Variants in LARGE1 observed in about 807,000 individuals in gnomAD.
LARGE1 encodes the protein LARGE xylosyl- and glucuronyltransferase 1, also known as xylosyl- and glucuronyltransferase LARGE1.
LARGE1 carries 43 observed loss-of-function variants against 87.6 expected under a neutral mutation model. That is an observed-to-expected ratio of 0.49 (90% CI 0.38 to 0.63). The LOEUF (loss-of-function observed/expected upper bound fraction) is 0.63. Ranked by LOEUF, LARGE1 falls within the 30% of genes least tolerant of loss-of-function variation. The probability of loss-of-function intolerance (pLI) is 0.00; values close to 1 mark genes in which losing one functional copy is unlikely to be tolerated. For synonymous variants in LARGE1, 434 were observed against 394.6 expected (o/e 1.10, Z -1.18); for missense variants, 802 against 1,000.2 (o/e 0.80, Z 2.67).
chr22:33,316,082 T>G lies in LARGE1; in HGVS notation c.1451+3A>C. On this transcript the variant is annotated splice_donor_region_variant and intron_variant, in intron 11 of 14. Coordinates refer to ENST00000397394, the MANE Select transcript of LARGE1 (RefSeq NM_133642.5). ...CTGGGGTGGGTGAGGCCGTCTGCCA[T>G]ACCTGTCCATGGACAGCTGAGCGAC... 1 of 1,613,608 alleles carries G rather than the reference T, an allele frequency of 6.2e-7. No individual in the cohort carries two copies. Among genetic ancestry groups the G allele is most frequent in the Non-Finnish European group, 8.5e-7 (1 of 1,179,694 alleles).
chr22:33,415,695 C>G (rs2066462843), intron 7 of LARGE1, among the ~76,000 whole-genome samples: 1 of 152,140 alleles, frequency 6.6e-6, no homozygotes, highest in Non-Finnish European at 1.5e-5. Context: ...ACTGCGATGA[C>G]TTTAGTGCCC....
At chr22:33,128,670 G>A in the LARGE1 span, among the ~76,000 whole-genome samples, 97 of 115,370 alleles carry the variant, frequency 8.4e-4, no homozygotes, top group East Asian at 3.5e-3. Context: ...GTGAGACTTC[G>A]TCTCAAAAAC....
At chr22:33,812,295 G>A (rs544932637) in intron 1 of LARGE1, among the ~76,000 whole-genome samples, 1 of 152,176 alleles carries the variant, frequency 6.6e-6, no homozygotes, top group Non-Finnish European at 1.5e-5. Context: ...GGCCTCCCCT[G>A]CCTTCTCACG....
intron 7 of LARGE1, among the ~76,000 whole-genome samples, chr22:33,385,164 C>T (rs1339304940): frequency 1.3e-5 from 2 of 148,368 alleles, no homozygotes; most frequent in African/African-American, 2.4e-5. Context: ...TTACTTTCTG[C>T]GGAAGGGACC....
rs776485973 is a variant in LARGE1 at position 33,900,598 on chromosome 22, A to G, written c.-83+19397T>C. On this transcript the variant is annotated intron_variant, in intron 1 of 14. Coordinates refer to ENST00000397394, the MANE Select transcript of LARGE1 (RefSeq NM_133642.5). ...AAAAAATGAAGCTCAGACAGTATTA[A>G]GGGTTGAAATAATCCCCCAAAAGAC... is the stretch of plus-strand genomic sequence containing the variant. 2.6e-4 allele frequency among the ~76,000 whole-genome samples: 39 copies of G among 152,240 alleles called. 1 individual carries two copies. The highest frequency in any genetic ancestry group is 2.2e-4 in the Non-Finnish European group (15 of 68,048).
chr22:33,188,815 G>A (rs1054172646), intron 11 of LARGE1, among the ~76,000 whole-genome samples: 1 of 152,194 alleles, frequency 6.6e-6, no homozygotes. Flanking sequence ...CATGTGAGGG[G>A]ATCTGCCTGC....
At chr22:33,509,198 C>G (rs1222502603) in intron 6 of LARGE1, among the ~76,000 whole-genome samples, 1 of 152,122 alleles carries the variant, frequency 6.6e-6, no homozygotes, top group Non-Finnish European at 1.5e-5. Context: ...CTGGGGTGCA[C>G]CCCAAGACTT....
At chr22:33,165,397 A>T (rs16991918) in exon 12 of LARGE1, 13,355 of 152,214 alleles carry the variant, frequency 0.088, 723 homozygotes, top group Middle Eastern at 0.19. Context: ...GGTGTCACCA[A>T]CAACAACCTT....
intron 2 of LARGE1, among the ~76,000 whole-genome samples, chr22:33,681,075 A>AT (rs2081754685): frequency 6.6e-6 from 1 of 152,202 alleles, no homozygotes; most frequent in Non-Finnish European, 1.5e-5. Context: ...ACTCAATTTA[A>AT]TGTACTATAC....
intron 6 of LARGE1, among the ~76,000 whole-genome samples, chr22:33,481,799 T>C (rs1050585795): frequency 2.0e-5 from 3 of 152,142 alleles, no homozygotes; most frequent in Non-Finnish European, 4.4e-5. Flanking sequence ...TGACAGATGA[T>C]GTAAAAATTG....
intron 1 of LARGE1, among the ~76,000 whole-genome samples, chr22:33,872,093 T>C (rs115487861): frequency 0.012 from 1,844 of 151,244 alleles, 43 homozygotes; most frequent in African/African-American, 0.043. Flanking sequence ...GAACCTAAAA[T>C]AGAGCATGCT....
At chr22:33,916,745 G>A (rs906787107) in intron 1 of LARGE1, among the ~76,000 whole-genome samples, 2 of 152,190 alleles carry the variant, frequency 1.3e-5, no homozygotes, top group African/African-American at 4.8e-5. Flanking sequence ...CGTAAGGAAG[G>A]CCAGCCTCCT....
intron 9 of LARGE1, among the ~76,000 whole-genome samples, chr22:33,375,698 C>T (rs1416402596): frequency 6.6e-6 from 1 of 152,076 alleles, no homozygotes; most frequent in African/African-American, 2.4e-5. Context: ...TAAAGTCTGT[C>T]TTGGGTTATC....
At position 33,293,984 on chromosome 22, in the gene LARGE1, T is replaced by C. The variant is rs561376646; in HGVS notation, c.1730+10245A>G. ...ATTTAGCACTAATGACCACTCCTACTAGCCTTATTTCAAGAAGCCCATCCC... is the reference window on the plus strand; with the variant it reads ...ATTTAGCACTAATGACCACTCCTACCAGCCTTATTTCAAGAAGCCCATCCC... On this transcript the variant is annotated intron_variant, in intron 12 of 14. Transcript: ENST00000397394. Among the ~76,000 whole-genome samples, 259 of 152,356 alleles carry C rather than the reference T, an allele frequency of 1.7e-3. 2 individuals carry two copies. The highest frequency in any genetic ancestry group is 3.3e-3 in the Non-Finnish European group (223 of 68,034).
chr22:33,777,793 T>G (rs1423324575), intron 1 of LARGE1, among the ~76,000 whole-genome samples: 1 of 152,046 alleles, frequency 6.6e-6, no homozygotes, highest in Non-Finnish European at 1.5e-5. Context: ...ACGGCTTGTT[T>G]AGGTGGAGGC....
intron 3 of LARGE1, among the ~76,000 whole-genome samples, chr22:33,647,080 A>ATT: frequency 6.6e-6 from 1 of 152,358 alleles, no homozygotes; most frequent in African/African-American, 2.4e-5. Flanking sequence ...ATCTGGATAT[A>ATT]TTCTTTTGTT....
At chr22:33,198,394 C>T (rs960698227) in intron 11 of LARGE1, among the ~76,000 whole-genome samples, 9 of 151,868 alleles carry the variant, frequency 5.9e-5, no homozygotes, top group Non-Finnish European at 1.5e-5. Context: ...GATCATAGTT[C>T]GCTGCAGCCT....
intron 7 of LARGE1, among the ~76,000 whole-genome samples, chr22:33,430,325 G>A (rs1392309859): frequency 3.3e-5 from 5 of 152,114 alleles, no homozygotes; most frequent in South Asian, 2.1e-4. Context: ...CAGCTGATAC[G>A]TAGAGGCCCT....
chr22:33,277,533 AT>A (rs1315850758), intron 13 of LARGE1, among the ~76,000 whole-genome samples: 3 of 152,184 alleles, frequency 2.0e-5, no homozygotes, highest in Non-Finnish European at 4.4e-5. Flanking sequence ...GAAGGGGAAA[AT>A]TTAGACACAG....
Sources: gnomAD v4.1 joint callset for allele counts (sites outside exome capture counted in the v4.1 genomes callset) on GRCh38, gnomAD v4.1.1 for gene constraint, MANE v1.5 for transcripts, NCBI Gene and HGNC (gene_info 2026-07-23, HGNC 2026-07-21) for gene names.